CASD1: variants seen among roughly 807,000 people sequenced by gnomAD.
CASD1 encodes CAS1 domain sialic acid O acetyltransferase 1, also known as N-acetylneuraminate (7)9-O-acetyltransferase.
A neutral mutation model predicts 100.0 loss-of-function variants in CASD1; 41 were observed. The observed-to-expected ratio is 0.41, with a 90% CI of 0.32 to 0.53. The LOEUF (loss-of-function observed/expected upper bound fraction) is 0.53, where lower values mean the gene tolerates loss of function less well. Among genes scored for constraint, CASD1 ranks in the 20% least tolerant of loss-of-function variants. CASD1 has a pLI of 0.25. For synonymous variants in CASD1, 321 were observed against 315.6 expected (o/e 1.02, Z -0.18); for missense variants, 774 against 948.7 (o/e 0.82, Z 2.42).
chr7:94,523,749 C>T, intron 3 of CASD1, among the ~76,000 whole-genome samples: 1 of 152,148 alleles, frequency 6.6e-6, no homozygotes, highest in East Asian at 1.9e-4. Flanking sequence ...AGAATAACCA[C>T]AACAAATCTG....
chr7:94,567,933 T>C, the CASD1 span, among the ~76,000 whole-genome samples: 1 of 152,202 alleles, frequency 6.6e-6, no homozygotes, highest in East Asian at 1.9e-4. Flanking sequence ...ATATATTCCT[T>C]TAACATTTAT....
the CASD1 span, chr7:94,598,879 G>C: frequency 6.2e-7 from 1 of 1,613,334 alleles, no homozygotes; most frequent in Non-Finnish European, 8.5e-7. Flanking sequence ...GCGTTGACAG[G>C]GGCCATGCTA....
At chr7:94,624,284 C>A in the CASD1 span, 15 of 397,136 alleles carry the variant, frequency 3.8e-5, no homozygotes, top group Non-Finnish European at 6.7e-5. Flanking sequence ...CTGACTTCAA[C>A]TAAAAATAAA....
the CASD1 span, chr7:94,629,515 C>G: frequency 2.0e-6 from 1 of 500,546 alleles, no homozygotes; most frequent in Non-Finnish European, 3.6e-6. Flanking sequence ...CAGAAATATG[C>G]TTTCCTTAAC....
At chr7:94,532,909 A>G (rs1479177751) in intron 5 of CASD1, among the ~76,000 whole-genome samples, 2 of 152,158 alleles carry the variant, frequency 1.3e-5, no homozygotes, top group Non-Finnish European at 2.9e-5. Context: ...CTCAGAGTTC[A>G]GAATATTAGG....
rs1027923955 is a variant in CASD1 at position 94,552,202 on chromosome 7, A to G, written c.1957-148A>G. ...AACATACCAAAACAGGTGATGAGCAAACTTGCAAGCAGTTTTTACTGATAG... is the reference window on the plus strand; with the variant it reads ...AACATACCAAAACAGGTGATGAGCAGACTTGCAAGCAGTTTTTACTGATAG... On this transcript the variant is annotated intron_variant, in intron 15 of 17. Transcript: ENST00000297273. 10 of 615,692 alleles carry G rather than the reference A, an allele frequency of 1.6e-5. No homozygotes were observed. The Admixed American group carries it at 3.4e-4, about 21-fold the overall frequency. 38.1% of individuals were successfully genotyped at this position (615,692 alleles called of 1,614,324 possible). A position where few individuals can be genotyped will look rare whatever the true frequency, so the allele number is the denominator to read the frequency against.
At chr7:94,595,658 C>A in the CASD1 span, among the ~76,000 whole-genome samples, 1 of 152,076 alleles carries the variant, frequency 6.6e-6, no homozygotes. Context: ...TTGTGTGTGT[C>A]TACTCAGTGC....
At chr7:94,539,566 A>G (rs1795284343) in intron 10 of CASD1, among the ~76,000 whole-genome samples, 1 of 151,612 alleles carries the variant, frequency 6.6e-6, no homozygotes, top group South Asian at 2.1e-4. Flanking sequence ...CTACTCGGAA[A>G]GCTGAGGCAG....
chr7:94,509,811 G>T lies in CASD1; in HGVS notation c.-274G>T. ...CTAAAGAGGAGGAGGAAGGGGAGGA[G>T]ACAGGCGTCCAGGGCGCCTGGGGAA... On this transcript the variant is annotated 5_prime_UTR_variant, in exon 1 of 18. Coordinates refer to ENST00000297273, the MANE Select transcript of CASD1 (RefSeq NM_022900.5). 1 of 994,362 alleles carries T rather than the reference G, an allele frequency of 1.0e-6. No homozygotes were observed. Among genetic ancestry groups the T allele is most frequent in the Admixed American group, 6.0e-5 (1 of 16,552 alleles). 61.6% of individuals were successfully genotyped at this position (994,362 alleles called of 1,614,324 possible). A position where few individuals can be genotyped will look rare whatever the true frequency, so the allele number is the denominator to read the frequency against.
At chr7:94,572,831 C>T in the CASD1 span, among the ~76,000 whole-genome samples, 3 of 152,080 alleles carry the variant, frequency 2.0e-5, no homozygotes, top group African/African-American at 7.2e-5. Flanking sequence ...ATGGTATTGC[C>T]TAGGTTGTCT....
At chr7:94,558,539 A>G (rs551007964), downstream of CASD1, among the ~76,000 whole-genome samples, 2 of 152,300 alleles carry the variant, frequency 1.3e-5, no homozygotes, top group East Asian at 1.9e-4. Flanking sequence ...TGGCAGTTCA[A>G]TCCATCTTAC....
the CASD1 span, among the ~76,000 whole-genome samples, chr7:94,594,180 T>A: frequency 2.0e-5 from 3 of 152,132 alleles, no homozygotes; most frequent in African/African-American, 4.8e-5. Flanking sequence ...AGATTTTTGA[T>A]GTGAAGTCTT....
the CASD1 span, among the ~76,000 whole-genome samples, chr7:94,567,429 A>G: frequency 2.0e-5 from 3 of 152,184 alleles, no homozygotes; most frequent in Admixed American, 2.0e-4. Flanking sequence ...AGAAAGACAT[A>G]TTATTGAAAC....
the CASD1 span, among the ~76,000 whole-genome samples, chr7:94,605,837 A>ATTTTTTTTTTTTTTTTTTT: frequency 6.6e-6 from 1 of 152,104 alleles, no homozygotes; most frequent in Non-Finnish European, 1.5e-5. Context: ...ATTTTATTTT[A>ATTTTTTTTTTTTTTTTTTT]TTTTTATTTT....
intron 3 of CASD1, among the ~76,000 whole-genome samples, chr7:94,523,509 A>T (rs953058255): frequency 2.0e-5 from 3 of 152,242 alleles, no homozygotes; most frequent in Admixed American, 2.0e-4. Context: ...AATGTGGAAG[A>T]TCTGTATGCA....
the CASD1 span, among the ~76,000 whole-genome samples, chr7:94,615,144 T>C: frequency 1.3e-5 from 2 of 152,274 alleles, no homozygotes; most frequent in Non-Finnish European, 2.9e-5. Flanking sequence ...GTGGATCATG[T>C]GGTCAGGAGT....
chr7:94,572,812 A>G, the CASD1 span, among the ~76,000 whole-genome samples: 3 of 152,070 alleles, frequency 2.0e-5, no homozygotes, highest in African/African-American at 7.2e-5. Flanking sequence ...GCCCATTCCT[A>G]TGCCCAGGAT....
At chr7:94,568,244 G>A in the CASD1 span, among the ~76,000 whole-genome samples, 3 of 152,236 alleles carry the variant, frequency 2.0e-5, no homozygotes, top group East Asian at 5.8e-4. Flanking sequence ...TATGAATTTA[G>A]TATATGCTAT....
At chr7:94,567,273 T>C in the CASD1 span, among the ~76,000 whole-genome samples, 2 of 152,182 alleles carry the variant, frequency 1.3e-5, no homozygotes, top group East Asian at 1.9e-4. Context: ...ATTATAGTGA[T>C]TTATTTTTCT....
Sources: allele counts gnomAD v4.1 joint callset (sites outside exome capture counted in the v4.1 genomes callset), GRCh38; gene constraint gnomAD v4.1.1; transcripts MANE v1.5; gene names NCBI Gene and HGNC (gene_info 2026-07-23, HGNC 2026-07-21).